Variants in EPHA6 observed in about 807,000 individuals in gnomAD.
EPHA6 encodes the protein EPH receptor A6.
Under a neutral mutation model 112.0 loss-of-function variants are expected in EPHA6, and 50 were observed. The ratio of observed to expected loss-of-function variants is 0.45; its 90% confidence interval spans 0.36 to 0.56. The LOEUF (loss-of-function observed/expected upper bound fraction) is 0.56. EPHA6 is among the 20% of genes least tolerant of loss of function. EPHA6 has a pLI of 0.00. For missense variants in EPHA6, 1,280 were observed against 1,417.4 expected (o/e 0.90, Z 1.56); for synonymous variants, 529 against 490.7 (o/e 1.08, Z -1.03).
intron 15 of EPHA6, among the ~76,000 whole-genome samples, chr3:97,733,563 G>A (rs191322370): frequency 6.6e-6 from 1 of 151,920 alleles, no homozygotes; most frequent in East Asian, 1.9e-4. Flanking sequence ...ATTTATTAAT[G>A]TGTCAGGCAA....
chr3:97,488,233 G>T (rs1486012451), intron 10 of EPHA6, among the ~76,000 whole-genome samples: 1 of 152,002 alleles, frequency 6.6e-6, no homozygotes, highest in Non-Finnish European at 1.5e-5. Flanking sequence ...ACTCATTATG[G>T]CCTCCACTAT....
In EPHA6 at chr3:97,087,411, C is replaced by T. The variant is rs576741848; in HGVS notation, c.1114+99418C>T. Among the ~76,000 whole-genome samples the T allele has an allele frequency of 6.6e-5, 10 of 152,236 alleles. No individual in the cohort carries two copies. In the South Asian group the frequency reaches 1.9e-3, roughly 28 times the overall value. ...AGACATGATGATCTAACCAAAAAGA[C>T]ATGGCTGATGAGAACCTTCCTTGAA... On this transcript the variant is annotated intron_variant, in intron 3 of 17. Transcript: ENST00000389672.
intron 2 of EPHA6, among the ~76,000 whole-genome samples, chr3:96,952,083 G>A (rs935843845): frequency 1.3e-5 from 2 of 151,936 alleles, no homozygotes; most frequent in African/African-American, 4.8e-5. Context: ...ACTCAGCCTG[G>A]GTACTTGTCC....
chr3:97,127,180 T>C (rs1225671179), intron 3 of EPHA6, among the ~76,000 whole-genome samples: 2 of 151,924 alleles, frequency 1.3e-5, no homozygotes, highest in Non-Finnish European at 2.9e-5. Flanking sequence ...TTGCTAAGAG[T>C]GGACAGCAGT....
At chr3:97,110,283 C>T (rs2047684551) in intron 3 of EPHA6, among the ~76,000 whole-genome samples, 1 of 152,084 alleles carries the variant, frequency 6.6e-6, no homozygotes, top group Non-Finnish European at 1.5e-5. Context: ...TTACCATTTA[C>T]ATAACTCTCT....
intron 5 of EPHA6, among the ~76,000 whole-genome samples, chr3:97,365,337 A>G (rs1354522740): frequency 6.6e-6 from 1 of 152,058 alleles, no homozygotes; most frequent in Non-Finnish European, 1.5e-5. Flanking sequence ...TCCAAATACT[A>G]CCCTACAGAC....
rs910031588 is a variant in EPHA6, at chr3:97,716,296, C to A, written c.2785-3965C>A. ...GGAAAAAGAAAAGATGGGCCGGGCG[C>A]GGTGGCTCACGCCTGTAATCCCAGC... On this transcript the variant is annotated intron_variant, in intron 14 of 17. Transcript: ENST00000389672. 2.7e-5 allele frequency among the ~76,000 whole-genome samples: 4 copies of A among 146,682 alleles called. 1 individual carries two copies. Among genetic ancestry groups the A allele is most frequent in the African/African-American group, 5.5e-5 (2 of 36,300 alleles).
chr3:97,314,805 G>A (rs1447845132), intron 5 of EPHA6, among the ~76,000 whole-genome samples: 1 of 151,580 alleles, frequency 6.6e-6, no homozygotes, highest in African/African-American at 2.4e-5. Flanking sequence ...GATGAGAACA[G>A]TTTGGAACCC....
chr3:96,824,708 G>T (rs1050308130), intron 1 of EPHA6, among the ~76,000 whole-genome samples: 10 of 151,846 alleles, frequency 6.6e-5, no homozygotes, highest in African/African-American at 2.2e-4. Flanking sequence ...CTGTACAGTT[G>T]GTAAGTTACC....
chr3:97,019,269 C>T (rs1233186770), intron 3 of EPHA6, among the ~76,000 whole-genome samples: 1 of 152,100 alleles, frequency 6.6e-6, no homozygotes, highest in Non-Finnish European at 1.5e-5. Context: ...TTTATTAATG[C>T]TCTGATAATT....
At chr3:97,346,036 C>T (rs1394684622) in intron 5 of EPHA6, among the ~76,000 whole-genome samples, 1 of 152,078 alleles carries the variant, frequency 6.6e-6, no homozygotes, top group South Asian at 2.1e-4. Flanking sequence ...CACCTCCTCT[C>T]ATAAAAATCT....
At chr3:97,157,726 T>G (rs1436293045) in intron 3 of EPHA6, among the ~76,000 whole-genome samples, 1 of 152,060 alleles carries the variant, frequency 6.6e-6, no homozygotes, top group Non-Finnish European at 1.5e-5. Context: ...AAAAGACCAG[T>G]GTCCCAGCTC....
intron 14 of EPHA6, among the ~76,000 whole-genome samples, chr3:97,710,703 T>C (rs895521618): frequency 2.6e-5 from 4 of 152,208 alleles, no homozygotes; most frequent in Non-Finnish European, 5.9e-5. Flanking sequence ...CAAAACAGAT[T>C]AGAGAAGAAA....
At chr3:96,959,181 G>C (rs1270647440) in intron 2 of EPHA6, among the ~76,000 whole-genome samples, 1 of 152,086 alleles carries the variant, frequency 6.6e-6, no homozygotes, top group Non-Finnish European at 1.5e-5. Flanking sequence ...TTTATTGTCT[G>C]GTGTTTGTTT....
Position 97,151,394 on chromosome 3 carries a change from T to G in EPHA6, c.1115-74870T>G, listed in dbSNP as rs1576578888. 2.0e-5 allele frequency among the ~76,000 whole-genome samples: 3 copies of G among 152,258 alleles called. No individual in the cohort carries two copies. In the South Asian group the frequency reaches 6.2e-4, roughly 32 times the overall value. On this transcript the variant is annotated intron_variant, in intron 3 of 17. Coordinates refer to ENST00000389672, the MANE Select transcript of EPHA6 (RefSeq NM_001080448.3). ...GGAAATATAAAATGTTTTGCATAAT[T>G]TTTGTGTTTTACAGTGCCTTATACA...
At chr3:97,516,809 A>G (rs2092454934) in intron 10 of EPHA6, among the ~76,000 whole-genome samples, 1 of 152,214 alleles carries the variant, frequency 6.6e-6, no homozygotes, top group Non-Finnish European at 1.5e-5. Context: ...AAAAGATACT[A>G]TGCAAATTTT....
intron 5 of EPHA6, among the ~76,000 whole-genome samples, chr3:97,395,136 A>G (rs1382649898): frequency 2.7e-5 from 4 of 150,204 alleles, no homozygotes; most frequent in Non-Finnish European, 6.0e-5. Context: ...TTCAGAAAGA[A>G]AAAAAAACAA....
At chr3:97,387,913 C>T (rs1455089589) in intron 5 of EPHA6, among the ~76,000 whole-genome samples, 4 of 152,102 alleles carry the variant, frequency 2.6e-5, no homozygotes, top group Admixed American at 2.0e-4. Context: ...ACAGTCATAG[C>T]AGAAGGTGAA....
At chr3:97,181,251 G>C (rs79464119) in intron 3 of EPHA6, among the ~76,000 whole-genome samples, 10,378 of 152,086 alleles carry the variant, frequency 0.068, 806 homozygotes, top group Admixed American at 0.21. Flanking sequence ...GGTGGAGAAG[G>C]GTGGCTTTGG....
Sources: allele counts gnomAD v4.1 joint callset (sites outside exome capture counted in the v4.1 genomes callset), GRCh38; gene constraint gnomAD v4.1.1; transcripts MANE v1.5; gene names NCBI Gene and HGNC (gene_info 2026-07-23, HGNC 2026-07-21).